SOX5: variants seen among roughly 807,000 people sequenced by gnomAD.
The protein encoded by SOX5 is transcription factor SOX-5.
A neutral mutation model predicts 92.0 loss-of-function variants in SOX5; 9 were observed. The ratio of observed to expected loss-of-function variants is 0.10; its 90% CI spans 0.06 to 0.17. SOX5 has a LOEUF of 0.17. Ranked by LOEUF, SOX5 falls within the 10% of genes least tolerant of loss-of-function variation. The pLI, the probability that SOX5 is intolerant of heterozygous loss-of-function variation, is 1.00. For missense variants in SOX5, 642 were observed against 944.5 expected, an observed-to-expected ratio of 0.68 and a Z score of 4.20; for synonymous variants, 344 against 336.3, an observed-to-expected ratio of 1.02 and a Z score of -0.25.
intron 10 of SOX5, among the ~76,000 whole-genome samples, chr12:23,569,911 C>T (rs528254197): frequency 4.7e-4 from 71 of 152,322 alleles, no homozygotes; most frequent in Non-Finnish European, 8.5e-4. Context: ...GACTACTTAG[C>T]ATTTTTTAGT....
At position 23,639,698 on chromosome 12, in the gene SOX5, G is replaced by A. The variant is rs188208226; in HGVS notation, c.1017+1114C>T. ...CAGAAAAGGAAGAATAGAAATGAATGTTATTAACCTCTGTAGAACACAGTA... is the reference window on the plus strand; with the variant it reads ...CAGAAAAGGAAGAATAGAAATGAATATTATTAACCTCTGTAGAACACAGTA... On this transcript the variant is annotated intron_variant, in intron 8 of 14. Transcript: ENST00000451604. Among the ~76,000 whole-genome samples the A allele has an allele frequency of 4.7e-3, 720 of 152,324 alleles. 4 individuals carry two copies. Among genetic ancestry groups the A allele is most frequent in the Non-Finnish European group, 7.5e-3 (510 of 68,036 alleles).
At chr12:23,658,731 A>C (rs983668725) in intron 7 of SOX5, among the ~76,000 whole-genome samples, 1 of 152,144 alleles carries the variant, frequency 6.6e-6, no homozygotes, top group African/African-American at 2.4e-5. Context: ...TGTCTGCTAA[A>C]AATACAAAAA....
intron 3 of SOX5, among the ~76,000 whole-genome samples, chr12:23,756,001 G>A (rs1201326564): frequency 6.6e-6 from 1 of 151,764 alleles, no homozygotes; most frequent in East Asian, 1.9e-4. Context: ...TTTCAATTTA[G>A]TGAACAAATT....
intron 4 of SOX5, among the ~76,000 whole-genome samples, chr12:23,979,052 T>A (rs1949223466): frequency 6.6e-6 from 1 of 152,176 alleles, no homozygotes; most frequent in African/African-American, 2.4e-5. Flanking sequence ...AAAAATGTGA[T>A]AAATAGTAAA....
At chr12:23,566,352 G>A (rs991269895) in intron 10 of SOX5, among the ~76,000 whole-genome samples, 5 of 152,082 alleles carry the variant, frequency 3.3e-5, no homozygotes, top group Non-Finnish European at 7.4e-5. Context: ...CCAGTTCTCA[G>A]TGCAATCTTG....
At chr12:24,011,088 G>A (rs1952875216) in intron 4 of SOX5, among the ~76,000 whole-genome samples, 1 of 152,102 alleles carries the variant, frequency 6.6e-6, no homozygotes, top group South Asian at 2.1e-4. Flanking sequence ...TTCTAATAAA[G>A]GGGAAATCAT....
At chr12:23,869,044 G>T (rs973270999) in intron 2 of SOX5, among the ~76,000 whole-genome samples, 1 of 152,028 alleles carries the variant, frequency 6.6e-6, no homozygotes, top group African/African-American at 2.4e-5. Context: ...GTAACTTTAT[G>T]CTCTGCACTT....
At chr12:24,389,984 C>T (rs1958823956) in intron 1 of SOX5, among the ~76,000 whole-genome samples, 1 of 152,062 alleles carries the variant, frequency 6.6e-6, no homozygotes, top group South Asian at 2.1e-4. Flanking sequence ...TAACTACTTC[C>T]CTTATTAAAT....
At position 24,556,568 on chromosome 12, in the gene SOX5, G is replaced by A. The variant is rs145981111; in HGVS notation, c.-251+5761C>T. ...AGGTACTATAACTTAATATAATGCA[G>A]AGGTGAATGACTATCAAACGATTAA... On this transcript the variant is annotated intron_variant, in intron 1 of 4. Coordinates refer to the SOX5 transcript ENST00000446891. Among the ~76,000 whole-genome samples the A allele has an allele frequency of 3.8e-3, 577 of 152,316 alleles. 4 individuals are homozygous for A. Among genetic ancestry groups the A allele is most frequent in the Admixed American group, 5.7e-3 (88 of 15,310 alleles).
chr12:24,449,139 T>C (rs1469304242), intron 1 of SOX5, among the ~76,000 whole-genome samples: 1 of 152,226 alleles, frequency 6.6e-6, no homozygotes, highest in African/African-American at 2.4e-5. Context: ...CTGTAATTTA[T>C]CATTCACAAA....
chr12:23,794,255 A>G (rs768060641), intron 3 of SOX5, among the ~76,000 whole-genome samples: 3 of 123,010 alleles, frequency 2.4e-5, no homozygotes, highest in African/African-American at 8.9e-5. Flanking sequence ...TATTTACCTA[A>G]TACTTATTTA....
intron 3 of SOX5, among the ~76,000 whole-genome samples, chr12:23,784,641 C>T (rs976412773): frequency 6.6e-6 from 1 of 152,096 alleles, no homozygotes; most frequent in Non-Finnish European, 1.5e-5. Flanking sequence ...ATTTTATTTA[C>T]ACATCAAATT....
intron 3 of SOX5, among the ~76,000 whole-genome samples, chr12:24,216,217 C>T (rs374753645): frequency 7.2e-5 from 11 of 152,182 alleles, no homozygotes; most frequent in Admixed American, 1.3e-4. Flanking sequence ...GGCGCGGTGG[C>T]TTACGCCTGT....
At chr12:24,516,651 C>T (rs1464508042) in intron 1 of SOX5, among the ~76,000 whole-genome samples, 1 of 152,146 alleles carries the variant, frequency 6.6e-6, no homozygotes, top group Non-Finnish European at 1.5e-5. Flanking sequence ...TTATTTAACT[C>T]CTTTTCTTTC....
intron 3 of SOX5, among the ~76,000 whole-genome samples, chr12:24,262,493 T>C (rs1262921688): frequency 6.6e-6 from 1 of 152,196 alleles, no homozygotes; most frequent in Non-Finnish European, 1.5e-5. Flanking sequence ...GAGATTGTTG[T>C]CTCTAAAAGA....
chr12:23,820,304 T>C (rs1323901089), intron 3 of SOX5, among the ~76,000 whole-genome samples: 1 of 152,226 alleles, frequency 6.6e-6, no homozygotes. Context: ...TTTAAGTTCC[T>C]TGTAGATTCT....
intron 2 of SOX5, among the ~76,000 whole-genome samples, chr12:24,347,021 G>A (rs937056517): frequency 2.6e-5 from 4 of 152,010 alleles, no homozygotes; most frequent in Admixed American, 2.0e-4. Context: ...AGAACTTAAA[G>A]TATAATAAAA....
At chr12:24,402,308 C>A (rs573831136) in intron 1 of SOX5, among the ~76,000 whole-genome samples, 3 of 152,174 alleles carry the variant, frequency 2.0e-5, no homozygotes, top group African/African-American at 7.2e-5. Context: ...TCTGTAAATC[C>A]AGAAATATGA....
At chr12:24,448,053 G>A (rs1652169220) in intron 1 of SOX5, among the ~76,000 whole-genome samples, 1 of 152,120 alleles carries the variant, frequency 6.6e-6, no homozygotes, top group African/African-American at 2.4e-5. Context: ...TTGGTGGCAT[G>A]TGCCTGTAGT....
Sources: gnomAD v4.1 joint callset for allele counts (sites outside exome capture counted in the v4.1 genomes callset) on GRCh38, gnomAD v4.1.1 for gene constraint, MANE v1.5 for transcripts, NCBI Gene and HGNC (gene_info 2026-07-23, HGNC 2026-07-21) for gene names.